The following NPC2 variants were observed in gnomAD, a reference collection of about 807,000 sequenced individuals.
The protein encoded by NPC2 is NPC intracellular cholesterol transporter 2.
Under a neutral mutation model 17.0 loss-of-function variants are expected in NPC2, and 14 were observed. The ratio of observed to expected loss-of-function variants is 0.82; its 90% CI spans 0.54 to 1.29. The LOEUF (loss-of-function observed/expected upper bound fraction) is 1.29. Among genes scored for constraint, NPC2 ranks in the 50% most tolerant of loss-of-function variants. The pLI is 0.00. For synonymous variants in NPC2, 75 were observed against 69.3 expected (o/e 1.08, Z -0.41); for missense variants, 167 against 183.4 (o/e 0.91, Z 0.52).
At chr14:74,487,361 C>T (rs901375894) in intron 1 of NPC2, among the ~76,000 whole-genome samples, 4 of 151,496 alleles carry the variant, frequency 2.6e-5, no homozygotes, top group Non-Finnish European at 2.9e-5. Context: ...TCAACCGTCC[C>T]AGGCTCAAGT....
chr14:74,480,368 T>G, intron 4 of NPC2, 80 bp from the exon 5 acceptor site: 1 of 1,241,558 alleles, frequency 8.1e-7, no homozygotes, highest in South Asian at 1.2e-5. Context: ...CTAGGGCAAG[T>G]TATCAGACAT....
chr14:74,486,049 C>T (rs2086709304), intron 2 of NPC2, among the ~76,000 whole-genome samples: 1 of 152,184 alleles, frequency 6.6e-6, no homozygotes, highest in Non-Finnish European at 1.5e-5. Flanking sequence ...TCATAGCCTA[C>T]TATGCAATAT....
At chr14:74,493,461 G>A (rs2086801642), upstream of NPC2, 1 of 1,364,332 alleles carries the variant, frequency 7.3e-7, no homozygotes, top group Non-Finnish European at 1.0e-6. This position sits in a 1 kb window ranked among gnomAD's most constrained non-coding sequence, Gnocchi z 4.1. Context: ...AGGCCCAGAA[G>A]CCTGCAGTCT....
intron 2 of NPC2, among the ~76,000 whole-genome samples, chr14:74,484,986 G>C (rs1018799794): frequency 6.6e-6 from 1 of 152,092 alleles, no homozygotes. Context: ...CAGTGAAAGA[G>C]GTAACCCTTT....
At chr14:74,483,388 A>C in intron 3 of NPC2, 1 of 1,463,374 alleles carries the variant, frequency 6.8e-7, no homozygotes, top group Non-Finnish European at 9.5e-7. Flanking sequence ...CCATTTTAGA[A>C]TAATCTGCAA....
intron 3 of NPC2, among the ~76,000 whole-genome samples, chr14:74,481,181 A>G (rs1222760825): frequency 1.3e-5 from 2 of 152,234 alleles, no homozygotes; most frequent in Non-Finnish European, 2.9e-5. Context: ...AAGATCCCTC[A>G]TGAACGGCTT....
chr14:74,483,257 C>T, intron 3 of NPC2: 1 of 1,024,614 alleles, frequency 9.8e-7, no homozygotes, highest in African/African-American at 1.6e-5. Context: ...ACAGATTTTA[C>T]TGGTTAAGGA....
chr14:74,488,036 G>A (rs1482052761), intron 1 of NPC2, among the ~76,000 whole-genome samples: 1 of 152,180 alleles, frequency 6.6e-6, no homozygotes, highest in Non-Finnish European at 1.5e-5. Flanking sequence ...CTTTAAATAC[G>A]CAGCCATGTT....
upstream of NPC2, chr14:74,493,511 C>CCCACCT: frequency 1.2e-6 from 1 of 865,604 alleles, no homozygotes; most frequent in Non-Finnish European, 1.8e-6. The surrounding 1 kb of genome is among the most constrained non-coding windows in gnomAD (Gnocchi z 4.1). Flanking sequence ...CCCGCCCGGA[C>CCCACCT]CCACCTCCGC....
intron 1 of NPC2, among the ~76,000 whole-genome samples, chr14:74,487,581 A>G (rs2086727670): frequency 6.6e-6 from 1 of 152,220 alleles, no homozygotes; most frequent in South Asian, 2.1e-4. Flanking sequence ...ACCGCACTTT[A>G]TGCGGAAACA....
intron 1 of NPC2, 77 bp from the exon 2 acceptor site, chr14:74,486,513 A>G: frequency 8.7e-7 from 1 of 1,155,222 alleles, no homozygotes; most frequent in South Asian, 1.3e-5. Context: ...ACCTAATGGG[A>G]AGGTGCTCTG....
intron 3 of NPC2, chr14:74,483,336 AAGAACAGGGCC>A: frequency 7.4e-7 from 1 of 1,348,476 alleles, no homozygotes; most frequent in Non-Finnish European, 1.1e-6. Flanking sequence ...GTAGTTGGCA[AAGAACAGGGCC>A]AGAATTTAGC....
chr14:74,487,502 A>ACT, intron 1 of NPC2, among the ~76,000 whole-genome samples: 1 of 152,110 alleles, frequency 6.6e-6, no homozygotes, highest in Non-Finnish European at 1.5e-5. Flanking sequence ...CCTAGGCTCA[A>ACT]GCAATTTGCC....
intron 3 of NPC2, among the ~76,000 whole-genome samples, chr14:74,481,563 A>C (rs560554522): frequency 6.6e-6 from 1 of 152,380 alleles, no homozygotes; most frequent in South Asian, 2.1e-4. Flanking sequence ...CAATGTAACC[A>C]TGAAGAGCAG....
intron 1 of NPC2, among the ~76,000 whole-genome samples, chr14:74,490,898 A>G (rs1345157791): frequency 6.6e-6 from 1 of 152,170 alleles, no homozygotes; most frequent in Admixed American, 6.5e-5. Flanking sequence ...CTGCTTTTTC[A>G]AATAAGTAGA....
At position 74,480,204 on chromosome 14, in the gene NPC2, G is replaced by A. The variant is rs774213374; in HGVS notation, c.*70C>T. The stretch of plus-strand genomic sequence containing the variant: ...AGAGCAAGTCACTGTTGTTGAAGCA[G>A]CAGAGCTGGAGGTGCTGTCAAGAGT... On this transcript the variant is annotated 3_prime_UTR_variant, in exon 5 of 5. Coordinates refer to ENST00000555619, the MANE Select transcript of NPC2 (RefSeq NM_006432.5). 6.8e-6 allele frequency: 11 copies of A among 1,613,948 alleles called. No individual in the cohort carries two copies. Among genetic ancestry groups the A allele is most frequent in the Admixed American group, 1.7e-5 (1 of 59,992 alleles).
intron 4 of NPC2, 178 bp from the exon 5 acceptor site, chr14:74,480,466 T>C (rs2086644075): frequency 1.3e-6 from 1 of 768,992 alleles, no homozygotes; most frequent in Non-Finnish European, 2.3e-6. Flanking sequence ...AATCAATCTC[T>C]ACAGTCTCAC....
intron 1 of NPC2, among the ~76,000 whole-genome samples, chr14:74,489,464 A>G (rs1007259842): frequency 6.6e-6 from 1 of 152,242 alleles, no homozygotes; most frequent in Non-Finnish European, 1.5e-5. Context: ...AGTAGTTTCA[A>G]AAACTGATTT....
chr14:74,483,726 G>A (rs1242304358), intron 3 of NPC2, among the ~76,000 whole-genome samples: 3 of 152,202 alleles, frequency 2.0e-5, no homozygotes, highest in Non-Finnish European at 4.4e-5. Context: ...AGACATAACA[G>A]ATGTGAAAAT....
Sources: allele counts gnomAD v4.1 joint callset (sites outside exome capture counted in the v4.1 genomes callset), GRCh38; gene constraint gnomAD v4.1.1; non-coding constraint Gnocchi (gnomAD v3.1); transcripts MANE v1.5; gene names NCBI Gene and HGNC (gene_info 2026-07-23, HGNC 2026-07-21).